The following RBKS variants were observed in gnomAD, a reference collection of about 807,000 sequenced individuals.
The protein encoded by RBKS is ribokinase.
A neutral mutation model predicts 33.9 loss-of-function variants in RBKS; 33 were observed. The observed-to-expected ratio is 0.97, with a 90% CI of 0.74 to 1.30. The LOEUF (loss-of-function observed/expected upper bound fraction) is 1.30. Ranked by LOEUF, RBKS falls within the 50% of genes most tolerant of loss-of-function variation. The pLI is 0.00. For synonymous variants in RBKS, 125 were observed against 143.0 expected, an observed-to-expected ratio of 0.87 and a Z score of 0.90; for missense variants, 361 against 392.6, an observed-to-expected ratio of 0.92 and a Z score of 0.68.
chr2:27,889,366 C>T (rs1664651141), intron 1 of RBKS, among the ~76,000 whole-genome samples: 1 of 152,134 alleles, frequency 6.6e-6, no homozygotes, highest in Non-Finnish European at 1.5e-5. Flanking sequence ...TGTAGCATAC[C>T]TGATCATTTT....
At chr2:27,864,698 T>C (rs544918987) in intron 1 of RBKS, among the ~76,000 whole-genome samples, 1 of 152,052 alleles carries the variant, frequency 6.6e-6, no homozygotes, top group South Asian at 2.1e-4. Flanking sequence ...GGTTTTTGAA[T>C]CAGAGACAGC....
Position 27,848,306 on chromosome 2 carries a change from T to C in RBKS, c.223-209A>G, listed in dbSNP as rs182643896. Among the ~76,000 whole-genome samples, 104 of 152,326 alleles carry C rather than the reference T, an allele frequency of 6.8e-4. 2 individuals are homozygous for C. In the East Asian group the frequency reaches 0.018, roughly 27 times the overall value. On this transcript the variant is annotated intron_variant, in intron 2 of 7. Transcript: ENST00000302188. ...TTTCACTTATATCCTACTTAAAATG[T>C]GAAGTATTTAATGAACATCACTCAT...
intron 6 of RBKS, among the ~76,000 whole-genome samples, chr2:27,828,475 T>C (rs1401521784): frequency 2.6e-5 from 4 of 152,224 alleles, no homozygotes; most frequent in Admixed American, 6.5e-5. Flanking sequence ...CTTTCCATGT[T>C]TGCAGACTAC....
At chr2:27,789,911 GTGTGTTTGTGTGTGTA>G (rs1558532908) in intron 7 of RBKS, among the ~76,000 whole-genome samples, 21 of 123,704 alleles carry the variant, frequency 1.7e-4, no homozygotes, top group Admixed American at 3.4e-4. Flanking sequence ...GTGTGTGTGT[GTGTGTTTGTGTGTGTA>G]TATATATATA....
rs74261391 is a variant in RBKS at position 27,819,127 on chromosome 2, A to G, written c.795+8440T>C. Among the ~76,000 whole-genome samples the G allele has an allele frequency of 9.2e-5, 14 of 152,306 alleles. No individual in the cohort carries two copies. The East Asian group carries it at 2.5e-3, about 27-fold the overall frequency. On this transcript the variant is annotated intron_variant, in intron 7 of 7. Coordinates refer to ENST00000302188, the MANE Select transcript of RBKS (RefSeq NM_022128.3). Reference sequence around the variant, plus strand: ...GCTGTGACAAAATACCATGGACTGAATAGCTTAAATAATAGAAATTTATTT... The same window carrying G: ...GCTGTGACAAAATACCATGGACTGAGTAGCTTAAATAATAGAAATTTATTT...
At position 27,783,917 on chromosome 2, in the gene RBKS, AAAG is replaced by A. The variant is rs1157722532; in HGVS notation, c.796-2132_796-2130del. On this transcript the variant is annotated intron_variant, in intron 7 of 7. Coordinates refer to ENST00000302188, the MANE Select transcript of RBKS (RefSeq NM_022128.3). The stretch of plus-strand genomic sequence containing the variant: ...GCGAGACTCTGTCTCAGAAAAAAAA[AAAG>A]AAAAAAAAAAAAAGAAAAACCATTC... Among the ~76,000 whole-genome samples the A allele has an allele frequency of 2.0e-3, 300 of 147,506 alleles. 3 individuals are homozygous for A. Among genetic ancestry groups the A allele is most frequent in the African/African-American group, 6.9e-3 (274 of 39,708 alleles).
At chr2:27,798,211 G>C (rs1677697386) in intron 7 of RBKS, among the ~76,000 whole-genome samples, 1 of 152,122 alleles carries the variant, frequency 6.6e-6, no homozygotes, top group Non-Finnish European at 1.5e-5. Context: ...TAGCCATACA[G>C]TTTCAGCTGC....
intron 2 of RBKS, 75 bp downstream of exon 2, chr2:27,858,364 A>C: frequency 1.3e-6 from 2 of 1,484,600 alleles, no homozygotes. Context: ...GGTTGAAAAA[A>C]TTAAAAACAA....
At chr2:27,809,569 AG>A (rs2148193203) in intron 7 of RBKS, 1 of 188,718 alleles carries the variant, frequency 5.3e-6, no homozygotes, top group African/African-American at 2.4e-5. Context: ...TGAGTTCTAA[AG>A]GTTGGCCTTT....
chr2:27,792,306 C>T (rs1001184707), intron 7 of RBKS, among the ~76,000 whole-genome samples: 6 of 152,200 alleles, frequency 3.9e-5, no homozygotes, highest in East Asian at 1.9e-4. Context: ...AGCTTTATGA[C>T]ATTGGGGAAA....
Position 27,837,417 on chromosome 2 carries a change from A to G in RBKS, c.515-4640T>C, listed in dbSNP as rs1678547515. On this transcript the variant is annotated intron_variant, in intron 5 of 7. Coordinates refer to ENST00000302188, the MANE Select transcript of RBKS (RefSeq NM_022128.3). This position sits in a 1 kb window ranked among gnomAD's most constrained non-coding sequence, Gnocchi z 4.0. The stretch of plus-strand genomic sequence containing the variant: ...CAGTCATGTAGAAAGCAGTTTGGAG[A>G]TTGATTCTCAAAGAACTTAAAATAG... 6.6e-6 allele frequency among the ~76,000 whole-genome samples: 1 copy of G among 152,220 alleles called. No homozygotes were observed. Among genetic ancestry groups the G allele is most frequent in the African/African-American group, 2.4e-5 (1 of 41,448 alleles).
At chr2:27,822,584 G>A (rs533758643) in intron 7 of RBKS, among the ~76,000 whole-genome samples, 2 of 152,284 alleles carry the variant, frequency 1.3e-5, no homozygotes, top group African/African-American at 2.4e-5. Flanking sequence ...AAGTGCTTCC[G>A]TGCAAACTTT....
At chr2:27,839,686 C>G (rs1663433026) in intron 5 of RBKS, among the ~76,000 whole-genome samples, 1 of 151,946 alleles carries the variant, frequency 6.6e-6, no homozygotes, top group African/African-American at 2.4e-5. Flanking sequence ...ATAAGAAAAC[C>G]CATAGATGAT....
At chr2:27,867,464 G>A (rs892635058) in intron 1 of RBKS, among the ~76,000 whole-genome samples, 10 of 152,080 alleles carry the variant, frequency 6.6e-5, no homozygotes, top group Non-Finnish European at 1.3e-4. Flanking sequence ...GTTATGTGAC[G>A]GGAGTCTTTA....
chr2:27,886,883 T>C (rs1278486033), intron 1 of RBKS, among the ~76,000 whole-genome samples: 1 of 152,002 alleles, frequency 6.6e-6, no homozygotes, highest in African/African-American at 2.4e-5. Flanking sequence ...ACTTGTAAAA[T>C]GTGAGGATAG....
intron 7 of RBKS, chr2:27,809,541 T>C: frequency 6.1e-6 from 1 of 163,992 alleles, no homozygotes; most frequent in Non-Finnish European, 1.3e-5. Context: ...AAAACTAAAA[T>C]GTCTGTTAGT....
intron 7 of RBKS, among the ~76,000 whole-genome samples, chr2:27,786,649 G>C (rs1220839353): frequency 6.6e-6 from 1 of 152,170 alleles, no homozygotes; most frequent in Non-Finnish European, 1.5e-5. Context: ...GGGCGTGGTG[G>C]TGGGTGCCTG....
rs1232016289 is a variant in RBKS at position 27,837,206 on chromosome 2, G to A, written c.515-4429C>T. ...GGAGAATGGCGTGAATCTGGGAGGT[G>A]GAGCTTGCAGTGAGCCGAGATCGTG... is the stretch of plus-strand genomic sequence containing the variant. On this transcript the variant is annotated intron_variant, in intron 5 of 7. Transcript: ENST00000302188. The surrounding 1 kb of genome is among the most constrained non-coding windows in gnomAD (Gnocchi z 4.0). Among the ~76,000 whole-genome samples the A allele has an allele frequency of 6.6e-6, 1 of 152,012 alleles. No homozygotes were observed. Among genetic ancestry groups the A allele is most frequent in the East Asian group, 1.9e-4 (1 of 5,200 alleles).
chr2:27,890,175 G>A lies in RBKS; in HGVS notation c.89+82C>T. ...CACTGTCTATCCCTGGAGACCCAGC[G>A]CCCAAAAGCTCCACTGGGCGCATAG... On this transcript the variant is annotated intron_variant, in intron 1 of 7. Transcript: ENST00000302188. The surrounding 1 kb of genome is among the most constrained non-coding windows in gnomAD (Gnocchi z 4.8). 3.0e-6 allele frequency: 4 copies of A among 1,340,728 alleles called. No homozygotes were observed. Among genetic ancestry groups the A allele is most frequent in the South Asian group, 1.2e-5 (1 of 82,652 alleles). The allele number at this position is 1,340,728 out of a possible 1,614,324, so 83.1% of individuals were successfully genotyped here.
Sources: allele counts gnomAD v4.1 joint callset (sites outside exome capture counted in the v4.1 genomes callset), GRCh38; gene constraint gnomAD v4.1.1; non-coding constraint Gnocchi (gnomAD v3.1); transcripts MANE v1.5; gene names NCBI Gene and HGNC (gene_info 2026-07-23, HGNC 2026-07-21).